ZNF713: variants seen among roughly 807,000 people sequenced by gnomAD.
ZNF713 encodes zinc finger protein 713.
Under a neutral mutation model 28.7 loss-of-function variants are expected in ZNF713, and 21 were observed. That is an observed-to-expected ratio of 0.73 (90% CI 0.52 to 1.05). The LOEUF (loss-of-function observed/expected upper bound fraction) is 1.05, where lower values mean the gene tolerates loss of function less well. Ranked by LOEUF, ZNF713 falls within the 50% of genes least tolerant of loss-of-function variation. The pLI, the probability that ZNF713 is intolerant of heterozygous loss-of-function variation, is 0.00. For missense variants in ZNF713, 458 were observed against 532.4 expected (o/e 0.86, Z 1.37); for synonymous variants, 167 against 178.0 (o/e 0.94, Z 0.49).
At chr7:55,918,133 G>A (rs1479234298) in intron 4 of ZNF713, 1 of 456,626 alleles carries the variant, frequency 2.2e-6, no homozygotes, top group Non-Finnish European at 4.4e-6. Flanking sequence ...ATCATAAATG[G>A]CAGTAAGACT....
chr7:55,909,068 C>T (rs549521324), intron 2 of ZNF713, among the ~76,000 whole-genome samples: 26 of 151,670 alleles, frequency 1.7e-4, no homozygotes, highest in African/African-American at 4.6e-4. Flanking sequence ...CGTGGTGGCA[C>T]GTGCCTGTAA....
chr7:55,931,466 C>T (rs888633973), intron 6 of ZNF713, among the ~76,000 whole-genome samples: 19 of 152,138 alleles, frequency 1.2e-4, no homozygotes, highest in Admixed American at 1.2e-3. Context: ...AATAAGAGAA[C>T]CAAAAATATG....
intron 2 of ZNF713, among the ~76,000 whole-genome samples, chr7:55,908,606 T>TG (rs1562739670): frequency 3.3e-5 from 5 of 152,224 alleles, no homozygotes; most frequent in African/African-American, 1.2e-4. Flanking sequence ...GGTTTTTTTT[T>TG]TTCTTGTTGA....
chr7:55,925,703 A>C (rs998300448), intron 6 of ZNF713, among the ~76,000 whole-genome samples: 1 of 152,164 alleles, frequency 6.6e-6, no homozygotes, highest in Non-Finnish European at 1.5e-5. Flanking sequence ...CAGAATTTTC[A>C]CCTAACCAGT....
At chr7:55,921,489 G>A (rs118070099) in intron 4 of ZNF713, among the ~76,000 whole-genome samples, 517 of 152,272 alleles carry the variant, frequency 3.4e-3, no homozygotes, top group Non-Finnish European at 4.7e-3. Flanking sequence ...TTTGTGGTTC[G>A]TGAGAGGAGG....
intron 2 of ZNF713, among the ~76,000 whole-genome samples, chr7:55,907,580 T>C (rs1222558445): frequency 6.6e-6 from 1 of 152,200 alleles, no homozygotes; most frequent in East Asian, 1.9e-4. Context: ...TTGCACCTAG[T>C]AGGTAATCTT....
At chr7:55,909,271 G>A (rs930084037) in intron 2 of ZNF713, among the ~76,000 whole-genome samples, 7 of 149,168 alleles carry the variant, frequency 4.7e-5, no homozygotes, top group East Asian at 3.9e-4. Context: ...AAGTTTTCCC[G>A]CACCATTTAT....
intron 4 of ZNF713, among the ~76,000 whole-genome samples, chr7:55,920,584 A>T (rs1470569260): frequency 3.3e-5 from 5 of 152,246 alleles, no homozygotes; most frequent in Non-Finnish European, 4.4e-5. Context: ...GTTTAAGGAA[A>T]GAAGCTGTCT....
intron 1 of ZNF713, among the ~76,000 whole-genome samples, chr7:55,901,905 A>T (rs1785584995): frequency 6.6e-6 from 1 of 152,264 alleles, no homozygotes; most frequent in South Asian, 2.1e-4. Flanking sequence ...TACACATGTC[A>T]ATATGACTGA....
At chr7:55,923,892 T>C (rs1786045648) in intron 6 of ZNF713, 193 bp downstream of exon 6, 1 of 445,728 alleles carries the variant, frequency 2.2e-6, no homozygotes, top group Admixed American at 3.4e-5. Flanking sequence ...ACAGATAATA[T>C]ACACTTATAT....
chr7:55,911,611 T>G lies in ZNF713; in HGVS notation c.-455-5T>G, dbSNP rs1266088084. 6.6e-6 allele frequency: 1 copy of G among 152,152 alleles called. No homozygotes were observed. The highest frequency in any genetic ancestry group is 2.4e-5 in the African/African-American group (1 of 41,430). 9.4% of individuals were successfully genotyped at this position (152,152 alleles called of 1,614,324 possible). On this transcript the variant is annotated splice_region_variant and splice_polypyrimidine_tract_variant and intron_variant, in intron 2 of 6. Coordinates refer to ENST00000429591, the MANE Select transcript of ZNF713 (RefSeq NM_182633.3). ...TTCTGCTGACCCTGGTGCATCTCAT[T>G]ACAGGTCTTCAACCTAAAATTCTAT...
chr7:55,923,261 G>A lies in ZNF713; in HGVS notation c.187G>A (p.Glu63Lys), dbSNP rs770000082. The change falls in exon 5 of 7, where the codon GAG becomes AAG. Residue 63 changes from glutamate to lysine, a missense_variant. By Grantham distance (56) the Glu-to-Lys change is moderately conservative. Coordinates refer to ENST00000429591, the MANE Select transcript of ZNF713 (RefSeq NM_182633.3). ...QKNLYRDVML[E>K]NYRNLVALGY... ...GAACCTCTATCGAGACGTGATGCTG[G>A]AGAACTACAGGAATCTAGTTGCACT... 1 of 1,613,464 alleles carries A rather than the reference G, an allele frequency of 6.2e-7. No individual in the cohort carries two copies. Among genetic ancestry groups the A allele is most frequent in the South Asian group, 1.1e-5 (1 of 90,966 alleles).
intron 1 of ZNF713, among the ~76,000 whole-genome samples, chr7:55,903,098 A>G (rs1364378738): frequency 6.6e-6 from 1 of 151,912 alleles, no homozygotes; most frequent in African/African-American, 2.4e-5. Flanking sequence ...AGTGGTATAC[A>G]GGAGCTCCAC....
At chr7:55,890,408 C>T (rs904154575) in intron 1 of ZNF713, among the ~76,000 whole-genome samples, 2 of 150,066 alleles carry the variant, frequency 1.3e-5, no homozygotes, top group African/African-American at 2.5e-5. Flanking sequence ...CGAGATCACG[C>T]CATTGCACTC....
intron 6 of ZNF713, 129 bp from the exon 7 acceptor site, chr7:55,938,853 A>G (rs1245057166): frequency 1.9e-5 from 18 of 925,996 alleles, no homozygotes; most frequent in Middle Eastern, 3.3e-4. Context: ...AAAACTTTCA[A>G]TGCCGTGTAT....
intron 6 of ZNF713, among the ~76,000 whole-genome samples, chr7:55,931,992 C>A (rs926923462): frequency 7.2e-5 from 11 of 152,198 alleles, no homozygotes; most frequent in Admixed American, 5.2e-4. Context: ...TTCAAACACT[C>A]TGGAGTCAAA....
chr7:55,929,866 A>G (rs2116255298), intron 6 of ZNF713, among the ~76,000 whole-genome samples: 1 of 152,302 alleles, frequency 6.6e-6, no homozygotes, highest in Non-Finnish European at 1.5e-5. Flanking sequence ...ATTAAAGAGG[A>G]GATTCATATA....
intron 1 of ZNF713, among the ~76,000 whole-genome samples, chr7:55,893,454 A>G (rs956666163): frequency 1.3e-5 from 2 of 152,200 alleles, no homozygotes; most frequent in Admixed American, 6.5e-5. Context: ...CTTATGACCT[A>G]CAATGAAACA....
rs1785292123 is a variant in ZNF713, at chr7:55,887,825, G to GGC, written c.-583+146_-583+147insCG. 2.3e-3 allele frequency: 11 copies of GGC among 4,888 alleles called. 2 individuals are homozygous for GGC. Among genetic ancestry groups the GGC allele is most frequent in the Non-Finnish European group, 4.2e-3 (7 of 1,656 alleles). The allele number at this position is 4,888 out of a possible 1,614,324, so 0.3% of individuals were successfully genotyped here. ...CGGGGGGCGGCGGGCGGCGGGCGGC[G>GGC]GGCGGCGGGCGGCGGGCGGCGGCGG... On this transcript the variant is annotated intron_variant, in intron 1 of 6. Coordinates refer to ENST00000429591, the MANE Select transcript of ZNF713 (RefSeq NM_182633.3).
Sources: gnomAD v4.1 joint callset for allele counts (sites outside exome capture counted in the v4.1 genomes callset) on GRCh38, gnomAD v4.1.1 for gene constraint, MANE v1.5 for transcripts, NCBI Gene and HGNC (gene_info 2026-07-23, HGNC 2026-07-21) for gene names.